MACROD2: variants seen among roughly 807,000 people sequenced by gnomAD.
MACROD2 encodes the protein ADP-ribose glycohydrolase MACROD2.
A neutral mutation model predicts 70.4 loss-of-function variants in MACROD2; 36 were observed. The ratio of observed to expected loss-of-function variants is 0.51; its 90% CI spans 0.39 to 0.68. The LOEUF (loss-of-function observed/expected upper bound fraction) is 0.68. Among genes scored for constraint, MACROD2 ranks in the 30% least tolerant of loss-of-function variants. MACROD2 has a pLI of 0.00. For missense variants in MACROD2, 496 were observed against 538.4 expected (o/e 0.92, Z 0.78); for synonymous variants, 172 against 178.8 (o/e 0.96, Z 0.30).
At chr20:15,576,552 G>GTTA in intron 8 of MACROD2, among the ~76,000 whole-genome samples, 1 of 145,796 alleles carries the variant, frequency 6.9e-6, no homozygotes, top group South Asian at 2.2e-4. Flanking sequence ...TGCACAAAAT[G>GTTA]TTTTTTTTTT....
chr20:14,127,893 G>T, intron 3 of MACROD2: 2 of 498,662 alleles, frequency 4.0e-6, no homozygotes, highest in South Asian at 3.2e-5. Flanking sequence ...TCTTTGAATT[G>T]GTTGCATCAT....
At chr20:15,877,880 T>C (rs1261236812) in intron 9 of MACROD2, among the ~76,000 whole-genome samples, 2 of 152,104 alleles carry the variant, frequency 1.3e-5, no homozygotes, top group East Asian at 1.9e-4. Context: ...TTGTTCTCCT[T>C]GACAGACCTG....
chr20:14,931,984 AGAGT>A lies in MACROD2; in HGVS notation c.418+247029_418+247032del, dbSNP rs541529169. 5.0e-3 allele frequency among the ~76,000 whole-genome samples: 746 copies of A among 148,522 alleles called. 5 individuals are homozygous for A. Among genetic ancestry groups the A allele is most frequent in the African/African-American group, 0.018 (711 of 40,034 alleles). The stretch of plus-strand genomic sequence containing the variant: ...ACCACTGCACTCTAGCCTGAGCAAC[AGAGT>A]GAGACCCTGTTTCTTAAAAAAAAAA... On this transcript the variant is annotated intron_variant, in intron 5 of 17. Coordinates refer to ENST00000684519, the MANE Select transcript of MACROD2 (RefSeq NM_001351661.2).
intron 5 of MACROD2, among the ~76,000 whole-genome samples, chr20:15,195,234 G>A (rs1409188692): frequency 6.6e-6 from 1 of 152,128 alleles, no homozygotes; most frequent in African/African-American, 2.4e-5. Flanking sequence ...ATTGACAAAT[G>A]GGGTCTAAGT....
At chr20:14,553,772 T>C (rs765988675) in intron 4 of MACROD2, among the ~76,000 whole-genome samples, 1 of 152,186 alleles carries the variant, frequency 6.6e-6, no homozygotes, top group Non-Finnish European at 1.5e-5. Context: ...CATGGGAAGC[T>C]GGATAATGAC....
intron 4 of MACROD2, among the ~76,000 whole-genome samples, chr20:14,639,562 T>G (rs1984978917): frequency 6.6e-6 from 1 of 152,152 alleles, no homozygotes; most frequent in Non-Finnish European, 1.5e-5. Context: ...TCAATTGCCG[T>G]CAGGATACAC....
chr20:15,917,921 G>A (rs1046956664), intron 10 of MACROD2, among the ~76,000 whole-genome samples: 1 of 151,510 alleles, frequency 6.6e-6, no homozygotes, highest in African/African-American at 2.4e-5. Flanking sequence ...TGTAGCCCCA[G>A]ATAAGTAGTG....
At chr20:14,242,044 G>C (rs2081934102) in intron 3 of MACROD2, among the ~76,000 whole-genome samples, 1 of 152,118 alleles carries the variant, frequency 6.6e-6, no homozygotes, top group South Asian at 2.1e-4. Context: ...AGTGATAGAA[G>C]TCAGATTAAA....
chr20:14,143,576 C>T (rs2054905050), intron 3 of MACROD2, among the ~76,000 whole-genome samples: 1 of 151,884 alleles, frequency 6.6e-6, no homozygotes, highest in Non-Finnish European at 1.5e-5. Context: ...AAAACCTGTG[C>T]AAGAAGGTTT....
intron 8 of MACROD2, among the ~76,000 whole-genome samples, chr20:15,626,716 A>G (rs1010859353): frequency 6.6e-6 from 1 of 152,090 alleles, no homozygotes; most frequent in African/African-American, 2.4e-5. Flanking sequence ...TTAGCCAGGC[A>G]TGGTGGTGCA....
intron 5 of MACROD2, among the ~76,000 whole-genome samples, chr20:14,720,536 C>CCTTTTTTTTT (rs2071453300): frequency 5.6e-5 from 2 of 35,946 alleles, no homozygotes; most frequent in South Asian, 1.6e-3. Flanking sequence ...TGCCCCACAA[C>CCTTTTTTTTT]TTTTTTTTTT....
intron 15 of MACROD2, among the ~76,000 whole-genome samples, chr20:16,011,705 C>T (rs1052756530): frequency 6.6e-6 from 1 of 151,416 alleles, no homozygotes; most frequent in Non-Finnish European, 1.5e-5. Context: ...TCCAGATGCC[C>T]TTGAGGCAAA....
chr20:15,230,108 T>G lies in MACROD2; in HGVS notation c.540+47T>G, dbSNP rs201127972. ...ATTTCTCACTCTTTTTCAACCTTTA[T>G]GCTTTAGTAATCTGTCTTGTCTAAA... On this transcript the variant is annotated intron_variant, in intron 6 of 17. Coordinates refer to ENST00000684519, the MANE Select transcript of MACROD2 (RefSeq NM_001351661.2). 6.5e-5 allele frequency: 102 copies of G among 1,573,800 alleles called. No homozygotes were observed. The African/African-American group carries it at 1.2e-3, about 19-fold the overall frequency.
chr20:15,615,835 G>C (rs762500446), intron 8 of MACROD2, among the ~76,000 whole-genome samples: 5 of 152,160 alleles, frequency 3.3e-5, no homozygotes, highest in Non-Finnish European at 7.3e-5. Context: ...GCATGAGGGA[G>C]CCCTGAGATG....
intron 5 of MACROD2, among the ~76,000 whole-genome samples, chr20:15,170,806 T>C (rs148942699): frequency 6.6e-6 from 1 of 152,352 alleles, no homozygotes; most frequent in East Asian, 1.9e-4. Flanking sequence ...GCTTTTCAGC[T>C]TCCCCAGAGA....
intron 8 of MACROD2, among the ~76,000 whole-genome samples, chr20:15,773,545 C>A (rs574259470): frequency 1.3e-5 from 2 of 152,060 alleles, no homozygotes; most frequent in African/African-American, 4.8e-5. Context: ...CAGATCAATT[C>A]CCTGTTAACT....
At chr20:14,873,270 T>C (rs907660858) in intron 5 of MACROD2, among the ~76,000 whole-genome samples, 1 of 152,184 alleles carries the variant, frequency 6.6e-6, no homozygotes. Context: ...TTATTATGAC[T>C]TTCTACTCAT....
chr20:14,870,524 C>G (rs918811526), intron 5 of MACROD2, among the ~76,000 whole-genome samples: 2 of 152,120 alleles, frequency 1.3e-5, no homozygotes, highest in Non-Finnish European at 2.9e-5. Context: ...CCCACTCTGT[C>G]TTCCACAGTG....
intron 3 of MACROD2, among the ~76,000 whole-genome samples, chr20:14,351,131 A>G (rs1328376344): frequency 1.3e-5 from 2 of 152,118 alleles, no homozygotes; most frequent in Admixed American, 6.6e-5. Flanking sequence ...TGCCAGTACC[A>G]TGCTGTTTTG....
Sources: allele counts gnomAD v4.1 joint callset (sites outside exome capture counted in the v4.1 genomes callset), GRCh38; gene constraint gnomAD v4.1.1; transcripts MANE v1.5; gene names NCBI Gene and HGNC (gene_info 2026-07-23, HGNC 2026-07-21).